Variants in MTHFD1 observed in about 807,000 individuals in gnomAD.
MTHFD1 encodes the protein methylenetetrahydrofolate dehydrogenase, cyclohydrolase and formyltetrahydrofolate synthetase 1.
MTHFD1 carries 44 observed loss-of-function variants against 110.3 expected under a neutral mutation model. That is an observed-to-expected ratio of 0.40 (90% CI 0.31 to 0.51). The LOEUF is 0.51. MTHFD1 is among the 20% of genes least tolerant of loss of function. The pLI is 0.60. For missense variants in MTHFD1, 909 were observed against 1,173.1 expected (o/e 0.77, Z 3.29); for synonymous variants, 402 against 428.8 (o/e 0.94, Z 0.77).
chr14:64,458,366 A>T, intron 27 of MTHFD1, 59 bp downstream of exon 27: 1 of 1,079,940 alleles, frequency 9.3e-7, no homozygotes, highest in Non-Finnish European at 1.4e-6. Context: ...TTTATGAATT[A>T]TAGGGCTCAA....
intron 21 of MTHFD1, 135 bp from the exon 22 acceptor site, chr14:64,444,558 G>T: frequency 1.0e-6 from 1 of 983,902 alleles, no homozygotes; most frequent in Non-Finnish European, 1.6e-6. Flanking sequence ...TAAGTCCTTA[G>T]GGCAGGAAAT....
intron 26 of MTHFD1, among the ~76,000 whole-genome samples, chr14:64,457,036 T>G (rs567670216): frequency 6.6e-6 from 1 of 152,200 alleles, no homozygotes; most frequent in East Asian, 1.9e-4. Context: ...GCCGAGTCTT[T>G]AGAAAAGTAG....
At chr14:64,388,666 C>A in intron 1 of MTHFD1, 198 bp downstream of exon 1, 1 of 641,762 alleles carries the variant, frequency 1.6e-6, no homozygotes, top group Non-Finnish European at 2.8e-6. Context: ...GTGGCTGTAG[C>A]CGCTGGCTCC....
At position 64,417,351 on chromosome 14, in the gene MTHFD1, C is replaced by G. The variant is rs1230455917; in HGVS notation, c.479-537C>G. Among the ~76,000 whole-genome samples the G allele has an allele frequency of 1.3e-5, 2 of 152,212 alleles. No individual in the cohort carries two copies. The highest frequency in any genetic ancestry group is 6.5e-5 in the Admixed American group (1 of 15,286). ...AAAAGAAAGCTTTGCTGCCACAGTT[C>G]AATTTCCCCTTTATCACTTCCCTGC... is the stretch of plus-strand genomic sequence containing the variant. On this transcript the variant is annotated intron_variant, in intron 6 of 27. Transcript: ENST00000652337. The surrounding 1 kb of genome is among the most constrained non-coding windows in gnomAD (Gnocchi z 4.4).
intron 10 of MTHFD1, 73 bp from the exon 11 acceptor site, chr14:64,425,946 G>A: frequency 6.3e-7 from 1 of 1,596,934 alleles, no homozygotes; most frequent in South Asian, 1.1e-5. Flanking sequence ...GTTGGGTTGG[G>A]GGCTTGTTAC....
chr14:64,403,593 G>GTT (rs35927010), intron 2 of MTHFD1, among the ~76,000 whole-genome samples: 10,066 of 150,626 alleles, frequency 0.067, 474 homozygotes, highest in Non-Finnish European at 0.093. Context: ...TTTTTGTAGA[G>GTT]TTTTTTTTTG....
intron 19 of MTHFD1, chr14:64,441,799 T>C (rs2078251655): frequency 1.8e-6 from 1 of 542,740 alleles, no homozygotes; most frequent in Non-Finnish European, 3.2e-6. Context: ...CGAGACTCCG[T>C]GTCAAAAAAA....
chr14:64,431,943 G>A (rs980115181), intron 15 of MTHFD1, 82 bp downstream of exon 15: 1 of 1,223,470 alleles, frequency 8.2e-7, no homozygotes, highest in African/African-American at 1.5e-5. Context: ...AGTCTTCTTG[G>A]AGTAGCCTAT....
At chr14:64,452,251 C>T (rs1269462124) in intron 24 of MTHFD1, among the ~76,000 whole-genome samples, 2 of 152,166 alleles carry the variant, frequency 1.3e-5, no homozygotes, top group South Asian at 2.1e-4. Flanking sequence ...GCTGAGATGA[C>T]GCCATTGCAC....
In MTHFD1 at chr14:64,432,545, A is replaced by C. The variant is rs538953273; in HGVS notation, c.1494+684A>C. ...TCCAATAAAAATAAATGAGCTATTG[A>C]TACAAGCAACAACTTGGATGAATTT... On this transcript the variant is annotated intron_variant, in intron 15 of 27. Coordinates refer to ENST00000652337, the MANE Select transcript of MTHFD1 (RefSeq NM_005956.4). Among the ~76,000 whole-genome samples the C allele has an allele frequency of 2.7e-3, 418 of 152,362 alleles. 1 individual carries two copies. Among genetic ancestry groups the C allele is most frequent in the South Asian group, 6.8e-3 (33 of 4,834 alleles).
intron 22 of MTHFD1, among the ~76,000 whole-genome samples, chr14:64,446,133 C>A (rs1398933544): frequency 1.3e-5 from 2 of 151,528 alleles, no homozygotes; most frequent in African/African-American, 4.9e-5. Flanking sequence ...AGTAATATAC[C>A]CTTTGTAAAA....
Position 64,430,211 on chromosome 14 carries a change from A to T in MTHFD1, c.1292A>T (p.Gln431Leu), listed in dbSNP as rs1385329655. 9.9e-6 allele frequency: 16 copies of T among 1,613,588 alleles called. No homozygotes were observed. The highest frequency in any genetic ancestry group is 1.4e-5 in the Non-Finnish European group (16 of 1,180,012). Residue 431 changes from glutamine to leucine, a missense_variant, in exon 13 of 28, where the codon CAG becomes CTG. Physicochemically the swap from Gln to Leu is moderately radical, Grantham distance 113. Transcript: ENST00000652337. The part of the protein sequence containing the change: ...KGGAAGGGYS[Q>L]VIPMEEFNLH... The stretch of plus-strand genomic sequence containing the variant: ...GGCGCTGCAGGAGGCGGCTACTCCC[A>T]GGTCATTCCTATGGAAGAGGTAAAG...
rs540146640 is a variant in MTHFD1 at position 64,431,411 on chromosome 14, C to T, written c.1312-121C>T. Reference sequence around the variant, plus strand: ...ACTCCCTATATTGGGTGTTTGTCCACTAACTGGGCTGCCTTCAGTATTCCA... The same window carrying T: ...ACTCCCTATATTGGGTGTTTGTCCATTAACTGGGCTGCCTTCAGTATTCCA... On this transcript the variant is annotated intron_variant, in intron 13 of 27. Transcript: ENST00000652337. 6.2e-6 allele frequency: 5 copies of T among 811,530 alleles called. No individual in the cohort carries two copies. In the African/African-American group the frequency reaches 8.4e-5, roughly 14 times the overall value. 50.3% of individuals were successfully genotyped at this position (811,530 alleles called of 1,614,324 possible).
At position 64,401,713 on chromosome 14, in the gene MTHFD1, A is replaced by AG. The variant is rs575284382; in HGVS notation, c.126+836_126+837insG. 2.4e-4 allele frequency among the ~76,000 whole-genome samples: 37 copies of AG among 151,984 alleles called. No homozygotes were observed. The East Asian group carries it at 2.9e-3, about 12-fold the overall frequency. On this transcript the variant is annotated intron_variant, in intron 2 of 27. Transcript: ENST00000652337. Reference sequence around the variant, plus strand: ...GAGATTCCGTCTCAAAAAAAAAAAAAAGAGAAATTAGGAAGTTTTAAAAAT... The same window carrying AG: ...GAGATTCCGTCTCAAAAAAAAAAAAAGAGAGAAATTAGGAAGTTTTAAAAAT...
intron 1 of MTHFD1, among the ~76,000 whole-genome samples, chr14:64,396,404 T>C (rs1314075125): frequency 1.3e-5 from 2 of 149,994 alleles, no homozygotes; most frequent in African/African-American, 4.9e-5. Context: ...TTTTTTTTTT[T>C]TTTTGAGATG....
chr14:64,457,909 G>T, intron 26 of MTHFD1: 6 of 448,330 alleles, frequency 1.3e-5, no homozygotes, highest in East Asian at 3.9e-5. Flanking sequence ...ATGACTTTAC[G>T]TTTATTTTAG....
intron 1 of MTHFD1, chr14:64,389,078 T>C (rs2077785219): frequency 6.5e-6 from 1 of 153,324 alleles, no homozygotes; most frequent in African/African-American, 2.4e-5. Flanking sequence ...TGCATTCCAC[T>C]TGACCTCTGC....
rs1195529733 is a variant in MTHFD1, at chr14:64,424,881, A to G, written c.805A>G (p.Thr269Ala). ...GGCCAAAGAGAGGGCGAGCTTCATC[A>G]CTCCTGTTCCTGGCGGCGTAGGGCC... is the stretch of plus-strand genomic sequence containing the variant. ...DEAKERASFI[T>A]PVPGGVGPMT... Residue 269 changes from threonine (T) to alanine (A), a missense_variant, in exon 9 of 28, where the codon ACT (threonine) becomes GCT (alanine). Around this residue, in one of 3 missense-constraint regions of MTHFD1, gnomAD observed 424 missense variants for 510.4 expected, o/e 0.83. Transcript: ENST00000652337. The G allele has an allele frequency of 1.9e-6, 3 of 1,613,874 alleles. No individual in the cohort carries two copies. In the African/African-American group the frequency reaches 4.0e-5, roughly 22 times the overall value.
At chr14:64,428,820 G>A (rs2078137639) in intron 12 of MTHFD1, among the ~76,000 whole-genome samples, 1 of 144,802 alleles carries the variant, frequency 6.9e-6, no homozygotes, top group South Asian at 2.3e-4. Flanking sequence ...CCAATGTGCT[G>A]GGATAATAGG....
Sources: allele counts gnomAD v4.1 joint callset (sites outside exome capture counted in the v4.1 genomes callset), GRCh38; gene constraint gnomAD v4.1.1; regional missense constraint gnomAD v4.1.1; non-coding constraint Gnocchi (gnomAD v3.1); transcripts MANE v1.5; gene names NCBI Gene and HGNC (gene_info 2026-07-23, HGNC 2026-07-21).